The following ARHGEF28 variants were observed in gnomAD, a reference collection of about 807,000 sequenced individuals.
ARHGEF28 encodes the protein 190 kDa guanine nucleotide exchange factor.
Under a neutral mutation model 206.6 loss-of-function variants are expected in ARHGEF28, and 152 were observed. The ratio of observed to expected loss-of-function variants is 0.74; its 90% CI spans 0.64 to 0.84. The LOEUF (loss-of-function observed/expected upper bound fraction) is 0.84, where lower values mean the gene tolerates loss of function less well. ARHGEF28 is among the 40% of genes least tolerant of loss of function. ARHGEF28 has a pLI of 0.00. For synonymous variants in ARHGEF28, 763 were observed against 776.4 expected, an observed-to-expected ratio of 0.98 and a Z score of 0.29; for missense variants, 2,028 against 2,073.2, an observed-to-expected ratio of 0.98 and a Z score of 0.42.
intron 24 of ARHGEF28, among the ~76,000 whole-genome samples, chr5:73,884,572 G>A (rs1761144096): frequency 6.6e-6 from 1 of 152,306 alleles, no homozygotes; most frequent in East Asian, 1.9e-4. Flanking sequence ...ATTATTATTA[G>A]GGTGGTAGTG....
At chr5:73,660,108 T>C (rs911972960) in intron 1 of ARHGEF28, among the ~76,000 whole-genome samples, 1 of 152,236 alleles carries the variant, frequency 6.6e-6, no homozygotes, top group Non-Finnish European at 1.5e-5. Flanking sequence ...TTCTTTCAAA[T>C]CTGGAGTCAA....
At chr5:73,905,143 C>G (rs1762476834) in intron 33 of ARHGEF28, 2 of 152,320 alleles carry the variant, frequency 1.3e-5, no homozygotes, top group South Asian at 4.2e-4. Flanking sequence ...CCTGTGAGAT[C>G]AGTGGCAGCA....
intron 20 of ARHGEF28, among the ~76,000 whole-genome samples, chr5:73,869,833 G>A (rs1195797140): frequency 2.0e-5 from 3 of 152,084 alleles, no homozygotes; most frequent in African/African-American, 2.4e-5. Context: ...GCTTGAACCC[G>A]GGAGGCGGAG....
chr5:73,724,025 T>A (rs1750129985), intron 2 of ARHGEF28, among the ~76,000 whole-genome samples: 1 of 152,224 alleles, frequency 6.6e-6, no homozygotes, highest in Non-Finnish European at 1.5e-5. Context: ...TCCACAGAGG[T>A]ACCTGTGCCA....
At chr5:73,826,485 C>T (rs1316484804) in intron 9 of ARHGEF28, among the ~76,000 whole-genome samples, 1 of 152,194 alleles carries the variant, frequency 6.6e-6, no homozygotes, top group Non-Finnish European at 1.5e-5. Context: ...AGGTCAGCAG[C>T]AGGTTTGCAG....
chr5:73,878,761 C>CCT (rs1760708787), intron 22 of ARHGEF28, among the ~76,000 whole-genome samples: 1 of 151,026 alleles, frequency 6.6e-6, no homozygotes, highest in African/African-American at 2.4e-5. Flanking sequence ...CCCCCAGTCT[C>CCT]TTCTGGCTTG....
chr5:73,644,284 C>A (rs1370067677), intron 1 of ARHGEF28, among the ~76,000 whole-genome samples: 1 of 152,216 alleles, frequency 6.6e-6, no homozygotes, highest in Non-Finnish European at 1.5e-5. Context: ...AACTAGCAGA[C>A]CCTGAGTTAA....
intron 11 of ARHGEF28, 43 bp from the exon 12 acceptor site, chr5:73,846,225 T>G: frequency 6.3e-6 from 10 of 1,580,252 alleles, no homozygotes; most frequent in Non-Finnish European, 8.7e-6. Flanking sequence ...ACGCTCTGTG[T>G]CCTTCCTTGC....
Position 73,909,861 on chromosome 5 carries a change from G to A in ARHGEF28, c.4611G>A (p.Arg1537=), listed in dbSNP as rs1358267423. Residue 1537 remains arginine, a synonymous_variant, in exon 34 of 36, where the codon AGG becomes AGA. Transcript: ENST00000513042. ...GCCACTGGAAGCACGGCCGGCAGAG[G>A]AGCCTGCCCGCGGTGCTCCTTCCGG... ...LLGHWKHGRQ[R]SLPAVLLPGG... is the part of the protein sequence containing the mutation. The A allele has an allele frequency of 3.9e-6, 6 of 1,533,332 alleles. No individual in the cohort carries two copies. Among genetic ancestry groups the A allele is most frequent in the South Asian group, 1.3e-5 (1 of 79,002 alleles). The allele number at this position is 1,533,332 out of a possible 1,614,324, so 95.0% of individuals were successfully genotyped here. A position where few individuals can be genotyped will look rare whatever the true frequency, so the allele number is the denominator to read the frequency against.
At chr5:73,918,556 T>C (rs541795026) in intron 35 of ARHGEF28, among the ~76,000 whole-genome samples, 81 of 152,354 alleles carry the variant, frequency 5.3e-4, no homozygotes, top group African/African-American at 1.9e-3. Context: ...GGTTACTGTC[T>C]CTGTAAAGAG....
chr5:73,766,879 A>G (rs1057139777), intron 4 of ARHGEF28, among the ~76,000 whole-genome samples: 3 of 152,134 alleles, frequency 2.0e-5, no homozygotes, highest in African/African-American at 7.2e-5. Context: ...TAGCAAGAAA[A>G]CATGCTGATA....
chr5:73,758,902 C>A (rs1752456358), intron 4 of ARHGEF28, among the ~76,000 whole-genome samples: 1 of 152,212 alleles, frequency 6.6e-6, no homozygotes, highest in Non-Finnish European at 1.5e-5. Context: ...CAAAGTATTA[C>A]CTGGCAGATT....
At chr5:73,808,459 C>G (rs1368809549) in intron 9 of ARHGEF28, among the ~76,000 whole-genome samples, 1 of 152,168 alleles carries the variant, frequency 6.6e-6, no homozygotes, top group Non-Finnish European at 1.5e-5. Flanking sequence ...CATAGCCTCC[C>G]TGTGAAAGCC....
intron 2 of ARHGEF28, among the ~76,000 whole-genome samples, chr5:73,723,403 G>A (rs1358073591): frequency 1.3e-5 from 2 of 152,096 alleles, no homozygotes; most frequent in Non-Finnish European, 2.9e-5. Flanking sequence ...GGCCAGGTTG[G>A]TCTCAATCTC....
chr5:73,928,156 T>C (rs1316099141), intron 35 of ARHGEF28, among the ~76,000 whole-genome samples: 1 of 152,208 alleles, frequency 6.6e-6, no homozygotes, highest in Non-Finnish European at 1.5e-5. Context: ...TTGTAGACCT[T>C]AGAAGTACCC....
intron 9 of ARHGEF28, among the ~76,000 whole-genome samples, chr5:73,799,041 G>T (rs1976121): frequency 0.6 from 90,473 of 152,050 alleles, 28,059 homozygotes; most frequent in African/African-American, 0.78. Flanking sequence ...AGCCAAGATC[G>T]CACCGTTCAT....
At chr5:73,738,621 C>A (rs565693893) in intron 2 of ARHGEF28, among the ~76,000 whole-genome samples, 1 of 151,882 alleles carries the variant, frequency 6.6e-6, no homozygotes, top group Non-Finnish European at 1.5e-5. Context: ...GGAACTGTCT[C>A]CAGCTTTTAT....
intron 29 of ARHGEF28, 28 bp from the exon 30 acceptor site, chr5:73,897,934 G>T: frequency 6.5e-7 from 1 of 1,546,622 alleles, no homozygotes; most frequent in South Asian, 1.2e-5. Flanking sequence ...TTGTTTTTTA[G>T]ATTTATTTTT....
At chr5:73,886,736 C>G (rs907901143) in intron 25 of ARHGEF28, among the ~76,000 whole-genome samples, 1 of 152,188 alleles carries the variant, frequency 6.6e-6, no homozygotes, top group Non-Finnish European at 1.5e-5. Flanking sequence ...ACCTCTGGAG[C>G]TGGAAAACAT....
Sources: gnomAD v4.1 joint callset for allele counts (sites outside exome capture counted in the v4.1 genomes callset) on GRCh38, gnomAD v4.1.1 for gene constraint, MANE v1.5 for transcripts, NCBI Gene and HGNC (gene_info 2026-07-23, HGNC 2026-07-21) for gene names.